BRCA2: variants seen among roughly 807,000 people sequenced by gnomAD.
BRCA2 encodes BRCA2 DNA repair associated.
Under a neutral mutation model 276.7 loss-of-function variants are expected in BRCA2, and 203 were observed. The ratio of observed to expected loss-of-function variants is 0.73; its 90% CI spans 0.65 to 0.82. The LOEUF (loss-of-function observed/expected upper bound fraction) is 0.82. Ranked by LOEUF, BRCA2 falls within the 40% of genes least tolerant of loss-of-function variation. The pLI, the probability that BRCA2 is intolerant of heterozygous loss-of-function variation, is 0.00. For missense variants in BRCA2, 3,920 were observed against 3,915.0 expected (o/e 1.00, Z -0.03); for synonymous variants, 1,289 against 1,338.4 (o/e 0.96, Z 0.81).
rs80359770 is a variant in BRCA2 at position 32,332,428 on chromosome 13, C to CA, written c.956dup (p.Asn319LysfsTer8). ...TCATTATGTTTTTCTAAATGTAGAA[C>CA]AAAAAATCTACAAAAAGTAAGAACT... On this transcript the variant is annotated frameshift_variant, in exon 10 of 27. Transcript: ENST00000380152. LOFTEE classifies it high-confidence loss of function. 3 of 1,588,274 alleles carry CA rather than the reference C, an allele frequency of 1.9e-6. No individual in the cohort carries two copies. Among genetic ancestry groups the CA allele is most frequent in the East Asian group, 2.2e-5 (1 of 44,638 alleles).
chr13:32,340,412 C>A lies in BRCA2; in HGVS notation c.6057C>A (p.Asn2019Lys), dbSNP rs147961615. Residue 2019 changes from asparagine to lysine, a missense_variant, in exon 11 of 27, where the codon AAC (asparagine) becomes AAA (lysine). Asn to Lys is a moderately conservative substitution (Grantham distance 94). Around this residue, in one of 2 missense-constraint regions of BRCA2, gnomAD observed 3,263 missense variants for 3,156.9 expected, o/e 1.03. Coordinates refer to ENST00000380152, the MANE Select transcript of BRCA2 (RefSeq NM_000059.4). ...TTTCCAAAGTATTGTTTAAAAGTAACGAACATTCAGACCAGCTCACAAGAG... is the reference window on the plus strand; with the variant it reads ...TTTCCAAAGTATTGTTTAAAAGTAAAGAACATTCAGACCAGCTCACAAGAG... Reference protein sequence around the residue: ...QVFSKVLFKSNEHSDQLTREE... With the variant: ...QVFSKVLFKSKEHSDQLTREE... The A allele has an allele frequency of 2.5e-6, 4 of 1,613,486 alleles. No homozygotes were observed. The highest frequency in any genetic ancestry group is 3.4e-6 in the Non-Finnish European group (4 of 1,179,664).
At chr13:32,328,089 G>T (rs888993792) in intron 7 of BRCA2, among the ~76,000 whole-genome samples, 2 of 152,024 alleles carry the variant, frequency 1.3e-5, no homozygotes, top group East Asian at 3.9e-4. Flanking sequence ...CAAGTTTAAA[G>T]AAATGTCTGT....
intron 20 of BRCA2, among the ~76,000 whole-genome samples, chr13:32,371,581 G>A (rs1394993885): frequency 4.0e-5 from 6 of 151,720 alleles, no homozygotes; most frequent in African/African-American, 9.7e-5. Context: ...ATGTCCTATA[G>A]AACTATAAGT....
At chr13:32,343,547 G>C (rs912048672) in intron 11 of BRCA2, among the ~76,000 whole-genome samples, 2 of 152,262 alleles carry the variant, frequency 1.3e-5, no homozygotes, top group African/African-American at 2.4e-5. Context: ...GGACAAAGTA[G>C]TACGTTTATA....
chr13:32,316,573 G>A (rs1192982667), intron 2 of BRCA2, 46 bp downstream of exon 2: 6 of 1,546,118 alleles, frequency 3.9e-6, no homozygotes, highest in African/African-American at 1.4e-5. Context: ...CCGAGAAAGT[G>A]TTTTCTAAAA....
At chr13:32,385,586 C>A in intron 24 of BRCA2, 1 of 268,842 alleles carries the variant, frequency 3.7e-6, no homozygotes, top group Non-Finnish European at 7.4e-6. Context: ...ATGAAGGAAG[C>A]TACCAACAAG....
intron 13 of BRCA2, among the ~76,000 whole-genome samples, chr13:32,351,133 A>G (rs1337950079): frequency 6.6e-6 from 1 of 152,202 alleles, no homozygotes; most frequent in Non-Finnish European, 1.5e-5. Flanking sequence ...CTCCACTTCC[A>G]TGCCATGGAA....
At chr13:32,382,969 G>A (rs1291200153) in intron 24 of BRCA2, among the ~76,000 whole-genome samples, 1 of 152,174 alleles carries the variant, frequency 6.6e-6, no homozygotes, top group Non-Finnish European at 1.5e-5. Context: ...GATACCAATG[G>A]AAGAGTTGAT....
At chr13:32,323,927 C>T (rs940336299) in intron 3 of BRCA2, among the ~76,000 whole-genome samples, 4 of 152,078 alleles carry the variant, frequency 2.6e-5, no homozygotes, top group Non-Finnish European at 5.9e-5. Flanking sequence ...TTGTTAAAGC[C>T]ACCTATAGCT....
Position 32,340,826 on chromosome 13 carries a change from A to G in BRCA2, c.6471A>G (p.Gln2157=), listed in dbSNP as rs775882736. 1.9e-6 allele frequency: 3 copies of G among 1,590,040 alleles called. No individual in the cohort carries two copies. The highest frequency in any genetic ancestry group is 1.2e-5 in the South Asian group (1 of 85,990). Residue 2157 remains glutamine (Q), a synonymous_variant, in exon 11 of 27, where the codon CAA becomes CAG. Coordinates refer to ENST00000380152, the MANE Select transcript of BRCA2 (RefSeq NM_000059.4). ...HSIKVSPYLS[Q]FQQDKQQLVL... is the part of the protein sequence containing the mutation. ...TTAAAGTTTCTCCATATCTCTCTCA[A>G]TTTCAACAAGACAAACAACAGTTGG... is the stretch of plus-strand genomic sequence containing the variant.
In BRCA2 at chr13:32,332,905, C is replaced by G. The variant is rs80358431; in HGVS notation, c.1427C>G (p.Ser476Cys). The change falls in exon 10 of 27, where the codon TCT becomes TGT. Residue 476 changes from serine to cysteine, a missense_variant. Transcript: ENST00000380152. ...AGAGATGAAGAGCAGCATCTTGAAT[C>G]TCATACAGACTGCATTCTTGCAGTA... ...NKRDEEQHLE[S>C]HTDCILAVKQ... is the part of the protein sequence containing the mutation. 4.6e-5 allele frequency: 74 copies of G among 1,609,856 alleles called. No individual in the cohort carries two copies. Among genetic ancestry groups the G allele is most frequent in the Non-Finnish European group, 6.3e-5 (74 of 1,179,098 alleles).
chr13:32,346,726 T>C lies in BRCA2; in HGVS notation c.6938-101T>C, dbSNP rs2072613067. On this transcript the variant is annotated intron_variant, in intron 12 of 26. Transcript: ENST00000380152. Reference sequence around the variant, plus strand: ...AGCATCTGTTACATTCACTGAAAATTGTAAAGCCTATAATTGTCTCAAATT... The same window carrying C: ...AGCATCTGTTACATTCACTGAAAATCGTAAAGCCTATAATTGTCTCAAATT... 8.2e-6 allele frequency: 7 copies of C among 857,794 alleles called. No individual in the cohort carries two copies. In the East Asian group the frequency reaches 1.9e-4, roughly 23 times the overall value. The allele number at this position is 857,794 out of a possible 1,614,324, so 53.1% of individuals were successfully genotyped here.
chr13:32,356,969 G>A (rs2072702950), intron 15 of BRCA2, among the ~76,000 whole-genome samples: 3 of 152,270 alleles, frequency 2.0e-5, no homozygotes, highest in South Asian at 4.1e-4. Context: ...TTCCAAAGAG[G>A]ATTCTCCTTA....
rs1593937269 is a variant in BRCA2 at position 32,379,755 on chromosome 13, C to G, written c.8959C>G (p.Leu2987Val). Residue 2987 changes from leucine (L) to valine (V), a missense_variant, in exon 23 of 27, where the codon CTG becomes GTG. Coordinates refer to ENST00000380152, the MANE Select transcript of BRCA2 (RefSeq NM_000059.4). ...YSKKEKDSVILSIWRPSSDLY... is the reference protein window; with the variant it reads ...YSKKEKDSVIVSIWRPSSDLY... Reference sequence around the variant, plus strand: ...TCTCATCTTTCTCCAAACAGTTATACTGAGTATTTGGCGTCCATCATCAGA... The same window carrying G: ...TCTCATCTTTCTCCAAACAGTTATAGTGAGTATTTGGCGTCCATCATCAGA... 1 of 1,610,696 alleles carries G rather than the reference C, an allele frequency of 6.2e-7. No individual in the cohort carries two copies. The highest frequency in any genetic ancestry group is 8.5e-7 in the Non-Finnish European group (1 of 1,177,006).
rs876658632 is a variant in BRCA2 at position 32,380,117 on chromosome 13, A to T, written c.9228A>T (p.Gly3076=). The T allele has an allele frequency of 6.2e-7, 1 of 1,613,644 alleles. No individual in the cohort carries two copies. Among genetic ancestry groups the T allele is most frequent in the Non-Finnish European group, 8.5e-7 (1 of 1,179,922 alleles). Reference sequence around the variant, plus strand: ...CTTGTTCTGAGGTGGACCTAATAGGATTTGTCGTTTCTGTTGTGAAAAAAA... The same window carrying T: ...CTTGTTCTGAGGTGGACCTAATAGGTTTTGTCGTTTCTGTTGTGAAAAAAA... The part of the protein sequence containing the change: ...QPSCSEVDLI[G]FVVSVVKKTG... Residue 3076 remains glycine, a synonymous_variant, in exon 24 of 27, where the codon GGA becomes GGT. Coordinates refer to ENST00000380152, the MANE Select transcript of BRCA2 (RefSeq NM_000059.4).
intron 14 of BRCA2, among the ~76,000 whole-genome samples, chr13:32,355,583 C>T (rs1166598794): frequency 6.6e-6 from 1 of 152,042 alleles, no homozygotes; most frequent in African/African-American, 2.4e-5. Flanking sequence ...AAAATAGGGC[C>T]GGGCGTGGTG....
intron 25 of BRCA2, chr13:32,395,977 T>C (rs1379761239): frequency 3.9e-6 from 1 of 259,556 alleles, no homozygotes; most frequent in Admixed American, 5.1e-5. Flanking sequence ...TTTTTTTTTT[T>C]TTTTTTTTTT....
rs80359507 is a variant in BRCA2, at chr13:32,339,699, CAA to C, written c.5350_5351del (p.Asn1784HisfsTer2). ...GCCAGTATTGAAGAATGTTGAAGAT[CAA>C]AAAAACACTAGTTTTTCCAAAGTAA... ...IEPVLKNVEDQKNTSFSKVIS... is the reference protein window; with the variant it reads ...IEPVLKNVEDXKNTSFSKVIS... On this transcript the variant is annotated frameshift_variant, in exon 11 of 27. Coordinates refer to ENST00000380152, the MANE Select transcript of BRCA2 (RefSeq NM_000059.4). LOFTEE classifies it high-confidence loss of function. 2.5e-5 allele frequency: 41 copies of C among 1,612,540 alleles called. No individual in the cohort carries two copies. Among genetic ancestry groups the C allele is most frequent in the Non-Finnish European group, 3.1e-5 (37 of 1,179,132 alleles).
At chr13:32,386,646 AGT>A (rs1205994308) in intron 24 of BRCA2, among the ~76,000 whole-genome samples, 1 of 152,184 alleles carries the variant, frequency 6.6e-6, no homozygotes, top group Non-Finnish European at 1.5e-5. Flanking sequence ...ACTAAAATAA[AGT>A]GAGAAGGTCG....
Sources: allele counts gnomAD v4.1 joint callset (sites outside exome capture counted in the v4.1 genomes callset), GRCh38; gene constraint gnomAD v4.1.1; regional missense constraint gnomAD v4.1.1; transcripts MANE v1.5; gene names NCBI Gene and HGNC (gene_info 2026-07-23, HGNC 2026-07-21).